MARCHF1: variants seen among roughly 807,000 people sequenced by gnomAD.
The protein encoded by MARCHF1 is E3 ubiquitin-protein ligase MARCHF1.
A neutral mutation model predicts 54.2 loss-of-function variants in MARCHF1; 40 were observed. That is an observed-to-expected ratio of 0.74 (90% CI 0.57 to 0.96). The LOEUF is 0.96. Among genes scored for constraint, MARCHF1 ranks in the 40% least tolerant of loss-of-function variants. MARCHF1 has a pLI of 0.00. For missense variants in MARCHF1, 586 were observed against 656.5 expected (o/e 0.89, Z 1.17); for synonymous variants, 236 against 236.3 (o/e 1.00, Z 0.01).
chr4:163,602,663 C>T (rs887746931), intron 7 of MARCHF1, among the ~76,000 whole-genome samples: 1 of 152,082 alleles, frequency 6.6e-6, no homozygotes, highest in African/African-American at 2.4e-5. Flanking sequence ...TAAATCTGAA[C>T]TTTCTTAAGA....
intron 5 of MARCHF1, among the ~76,000 whole-genome samples, chr4:163,687,745 T>C (rs1744313246): frequency 6.6e-6 from 1 of 152,200 alleles, no homozygotes; most frequent in Admixed American, 6.5e-5. Flanking sequence ...TCTTATAACT[T>C]TCCCTTTCTT....
chr4:164,247,896 T>G (rs1579658411), intron 1 of MARCHF1, among the ~76,000 whole-genome samples: 1 of 150,754 alleles, frequency 6.6e-6, no homozygotes, highest in East Asian at 1.9e-4. Flanking sequence ...CTTCCCTTTT[T>G]GACAAGGAAT....
intron 1 of MARCHF1, among the ~76,000 whole-genome samples, chr4:164,185,807 C>A (rs1165905847): frequency 6.9e-5 from 3 of 43,214 alleles, no homozygotes; most frequent in East Asian, 2.6e-4. Flanking sequence ...CACACACACA[C>A]ACAAAAAAAA....
chr4:164,245,628 G>C (rs1367988620), intron 1 of MARCHF1, among the ~76,000 whole-genome samples: 4 of 151,770 alleles, frequency 2.6e-5, no homozygotes, highest in African/African-American at 9.7e-5. Flanking sequence ...GGAAATAAAG[G>C]GTATTCAATT....
At chr4:163,777,078 C>G (rs1747329025) in intron 4 of MARCHF1, among the ~76,000 whole-genome samples, 2 of 152,070 alleles carry the variant, frequency 1.3e-5, no homozygotes, top group Non-Finnish European at 2.9e-5. Context: ...TGATTCAAGT[C>G]AGAAAATATT....
At chr4:164,201,457 T>C (rs1490155480) in intron 1 of MARCHF1, among the ~76,000 whole-genome samples, 1 of 152,134 alleles carries the variant, frequency 6.6e-6, no homozygotes, top group Non-Finnish European at 1.5e-5. Flanking sequence ...CTTGACCTCG[T>C]GACCCGCCCG....
chr4:163,674,519 G>T (rs1302280397), intron 5 of MARCHF1, among the ~76,000 whole-genome samples: 4 of 152,110 alleles, frequency 2.6e-5, no homozygotes, highest in African/African-American at 9.7e-5. Context: ...GAAAAGGACC[G>T]ATGAGTTTGC....
At chr4:163,701,344 T>G (rs539762240) in intron 4 of MARCHF1, among the ~76,000 whole-genome samples, 47 of 152,194 alleles carry the variant, frequency 3.1e-4, no homozygotes, top group Non-Finnish European at 6.6e-4. Flanking sequence ...TTTTACATAC[T>G]CTGAAATTAA....
intron 3 of MARCHF1, among the ~76,000 whole-genome samples, chr4:163,986,261 T>A (rs1278285543): frequency 2.8e-5 from 2 of 71,426 alleles, no homozygotes; most frequent in Admixed American, 1.6e-4. Flanking sequence ...TTTTTTTTTT[T>A]TTTTTTTTTT....
At chr4:164,288,096 T>G (rs1734195337) in intron 1 of MARCHF1, among the ~76,000 whole-genome samples, 1 of 152,150 alleles carries the variant, frequency 6.6e-6, no homozygotes. Flanking sequence ...ACAGGCAGAT[T>G]ACATCCATGA....
At chr4:164,174,941 A>G (rs555952846) in intron 1 of MARCHF1, among the ~76,000 whole-genome samples, 5 of 152,278 alleles carry the variant, frequency 3.3e-5, no homozygotes, top group African/African-American at 1.2e-4. Flanking sequence ...GCTATGAGAT[A>G]TCTTGGGTTC....
intron 4 of MARCHF1, among the ~76,000 whole-genome samples, chr4:163,821,810 A>G (rs1422571142): frequency 6.6e-6 from 1 of 151,362 alleles, no homozygotes; most frequent in Admixed American, 6.6e-5. Flanking sequence ...TTTTTTTGTA[A>G]AAGAGAGCTC....
intron 5 of MARCHF1, among the ~76,000 whole-genome samples, chr4:163,631,396 T>C (rs893271668): frequency 1.3e-5 from 2 of 152,164 alleles, no homozygotes; most frequent in African/African-American, 4.8e-5. Context: ...TTTCACCGTG[T>C]TGGCCAGGCT....
intron 1 of MARCHF1, among the ~76,000 whole-genome samples, chr4:164,156,187 C>T (rs1166768231): frequency 6.6e-6 from 1 of 152,088 alleles, no homozygotes; most frequent in Admixed American, 6.6e-5. Flanking sequence ...GCCCCCAGTT[C>T]TACATTTTTA....
chr4:163,967,666 A>G (rs1366732066), intron 3 of MARCHF1, among the ~76,000 whole-genome samples: 1 of 152,144 alleles, frequency 6.6e-6, no homozygotes, highest in Non-Finnish European at 1.5e-5. Context: ...AGCTCTATCT[A>G]CCTATTCACC....
chr4:164,316,296 A>G (rs1649626943), intron 1 of MARCHF1, among the ~76,000 whole-genome samples: 1 of 152,186 alleles, frequency 6.6e-6, no homozygotes, highest in South Asian at 2.1e-4. Context: ...GGGATTTGAT[A>G]AAAATAAGCA....
chr4:163,805,609 CAT>C (rs1450700693), intron 4 of MARCHF1, among the ~76,000 whole-genome samples: 4 of 152,148 alleles, frequency 2.6e-5, no homozygotes, highest in East Asian at 3.8e-4. Flanking sequence ...TGAAAGTAAA[CAT>C]GTGAGAACAT....
Position 163,612,282 on chromosome 4 carries a change from T to C in MARCHF1, c.999A>G (p.Leu333=). The C allele has an allele frequency of 6.7e-7, 1 of 1,503,654 alleles. No homozygotes were observed. Among genetic ancestry groups the C allele is most frequent in the Non-Finnish European group, 8.8e-7 (1 of 1,135,484 alleles). The allele number at this position is 1,503,654 out of a possible 1,614,324, so 93.1% of individuals were successfully genotyped here. ...CTACAGTGACTGACCTGCATACTTC[T>C]AAATTATCAGACCCATCGTCATAGG... is the stretch of plus-strand genomic sequence containing the variant. The part of the protein sequence containing the change: ...PATYDDGSDN[L]EVCRICHCEG... Residue 333 remains leucine, a synonymous_variant, in exon 7 of 10, where the codon TTA becomes TTG. Coordinates refer to ENST00000514618, the MANE Select transcript of MARCHF1 (RefSeq NM_001394959.1).
At chr4:163,889,930 T>C (rs1313630863) in intron 3 of MARCHF1, among the ~76,000 whole-genome samples, 3 of 145,494 alleles carry the variant, frequency 2.1e-5, no homozygotes, top group East Asian at 4.0e-4. Context: ...TTTTTTCTTT[T>C]TTTTTTTTTT....
Sources: gnomAD v4.1 joint callset for allele counts (sites outside exome capture counted in the v4.1 genomes callset) on GRCh38, gnomAD v4.1.1 for gene constraint, MANE v1.5 for transcripts, NCBI Gene and HGNC (gene_info 2026-07-23, HGNC 2026-07-21) for gene names.